Variants in GRID1 observed in about 807,000 individuals in gnomAD.
The protein encoded by GRID1 is glutamate receptor ionotropic, delta-1.
Under a neutral mutation model 98.0 loss-of-function variants are expected in GRID1, and 28 were observed. The observed-to-expected ratio is 0.29, with a 90% CI of 0.21 to 0.39. The LOEUF (loss-of-function observed/expected upper bound fraction) is 0.39. Among genes scored for constraint, GRID1 ranks in the 10% least tolerant of loss-of-function variants. GRID1 has a pLI of 1.00. For synonymous variants in GRID1, 553 were observed against 538.5 expected, an observed-to-expected ratio of 1.03 and a Z score of -0.37; for missense variants, 1,111 against 1,340.5, an observed-to-expected ratio of 0.83 and a Z score of 2.67.
chr10:85,767,611 C>G (rs1842210467), intron 8 of GRID1, among the ~76,000 whole-genome samples: 1 of 152,126 alleles, frequency 6.6e-6, no homozygotes, highest in Non-Finnish European at 1.5e-5. Flanking sequence ...GCAAGAGTCA[C>G]TGGGTCAGGG....
chr10:86,185,184 G>C (rs1180331711), intron 3 of GRID1, among the ~76,000 whole-genome samples: 1 of 151,972 alleles, frequency 6.6e-6, no homozygotes, highest in Non-Finnish European at 1.5e-5. Context: ...AGTTTTCAGT[G>C]TACAGATCTT....
chr10:85,841,631 T>A (rs1316424651), intron 8 of GRID1, among the ~76,000 whole-genome samples: 1 of 151,776 alleles, frequency 6.6e-6, no homozygotes, highest in African/African-American at 2.4e-5. Context: ...CTTAAACAAA[T>A]TTATCAAAAA....
Position 85,856,068 on chromosome 10 carries a change from T to C in GRID1, c.1074A>G (p.Pro358=). The C allele has an allele frequency of 1.2e-6, 2 of 1,614,188 alleles. No homozygotes were observed. Among genetic ancestry groups the C allele is most frequent in the Non-Finnish European group, 1.7e-6 (2 of 1,180,016 alleles). The change falls in exon 7 of 16, where the codon CCA becomes CCG. Residue 358 remains proline (P), a synonymous_variant. Transcript: ENST00000327946. The part of the protein sequence containing the change: ...SLNCIRKSTK[P]WNGGRSMLDT... The stretch of plus-strand genomic sequence containing the variant: ...CCAGCATGGACCTCCCACCATTCCA[T>C]GGCTTAGTGGATTTCCGTATGCAGT...
chr10:86,349,421 CA>C (rs1433160936), intron 2 of GRID1, among the ~76,000 whole-genome samples: 1 of 152,244 alleles, frequency 6.6e-6, no homozygotes. Context: ...CCCGCCCACA[CA>C]GGCACACCTC....
chr10:86,141,333 A>C (rs1845008304), intron 3 of GRID1, among the ~76,000 whole-genome samples: 1 of 152,202 alleles, frequency 6.6e-6, no homozygotes, highest in Admixed American at 6.5e-5. Flanking sequence ...CTTGAAAGAA[A>C]AGGTGAAGAA....
intron 2 of GRID1, among the ~76,000 whole-genome samples, chr10:86,295,241 AAC>A (rs547999461): frequency 1.8e-4 from 28 of 152,312 alleles, no homozygotes; most frequent in South Asian, 1.7e-3. Context: ...GGCAGGAGAT[AAC>A]ACAGTGTCCT....
At chr10:85,818,261 T>C (rs1278314045) in intron 8 of GRID1, among the ~76,000 whole-genome samples, 1 of 152,234 alleles carries the variant, frequency 6.6e-6, no homozygotes, top group Non-Finnish European at 1.5e-5. Flanking sequence ...TATACATACA[T>C]GTATGTGTGT....
intron 4 of GRID1, among the ~76,000 whole-genome samples, chr10:85,982,894 A>G (rs1376587191): frequency 6.6e-6 from 1 of 152,134 alleles, no homozygotes; most frequent in Non-Finnish European, 1.5e-5. Flanking sequence ...AAACAGGAAA[A>G]CTCAAGAACC....
chr10:86,285,832 T>C (rs931898123), intron 2 of GRID1, among the ~76,000 whole-genome samples: 2 of 152,208 alleles, frequency 1.3e-5, no homozygotes, highest in African/African-American at 4.8e-5. Flanking sequence ...CAATGTATAA[T>C]GGAAACCAAA....
intron 4 of GRID1, among the ~76,000 whole-genome samples, chr10:86,089,988 C>A (rs576481464): frequency 6.6e-6 from 1 of 152,278 alleles, no homozygotes; most frequent in African/African-American, 2.4e-5. Flanking sequence ...CTCAGGTGAT[C>A]CACCTGCCTT....
At chr10:85,704,069 C>A (rs537990844) in intron 12 of GRID1, among the ~76,000 whole-genome samples, 1 of 152,062 alleles carries the variant, frequency 6.6e-6, no homozygotes, top group East Asian at 1.9e-4. Flanking sequence ...AACTAATGAG[C>A]AAAATAACCA....
chr10:86,228,261 G>A (rs1846389310), intron 2 of GRID1, among the ~76,000 whole-genome samples: 1 of 144,194 alleles, frequency 6.9e-6, no homozygotes, highest in Non-Finnish European at 1.5e-5. Context: ...GGGTGGGGGA[G>A]AGGATGGTGT....
rs1333678131 is a variant in GRID1 at position 86,241,381 on chromosome 10, A to C, written c.236-34733T>G. Among the ~76,000 whole-genome samples the C allele has an allele frequency of 2.6e-5, 4 of 152,360 alleles. No individual in the cohort carries two copies. The East Asian group carries it at 7.7e-4, about 29-fold the overall frequency. ...CCATCAGGACCCCTCCACTTCTGGCAAGTTAAGAGTGAGGCATCTTTACAG... is the reference window on the plus strand; with the variant it reads ...CCATCAGGACCCCTCCACTTCTGGCCAGTTAAGAGTGAGGCATCTTTACAG... On this transcript the variant is annotated intron_variant, in intron 2 of 15. Transcript: ENST00000327946.
intron 3 of GRID1, among the ~76,000 whole-genome samples, chr10:86,156,953 G>C (rs1845254145): frequency 6.6e-6 from 1 of 152,188 alleles, no homozygotes; most frequent in Non-Finnish European, 1.5e-5. Flanking sequence ...TCCAAGGGGA[G>C]GGGCATCAGG....
chr10:86,164,565 A>G (rs1021979117), intron 3 of GRID1, among the ~76,000 whole-genome samples: 40 of 152,150 alleles, frequency 2.6e-4, no homozygotes, highest in Non-Finnish European at 5.4e-4. Context: ...TTAAGTCCAT[A>G]ATTGCGCAAT....
intron 2 of GRID1, among the ~76,000 whole-genome samples, chr10:86,243,401 C>A (rs1846668955): frequency 6.6e-6 from 1 of 152,158 alleles, no homozygotes; most frequent in South Asian, 2.1e-4. Context: ...GCTGTGCCCA[C>A]CCCTCCTCAT....
At chr10:86,284,136 G>A (rs1299494149) in intron 2 of GRID1, among the ~76,000 whole-genome samples, 1 of 127,770 alleles carries the variant, frequency 7.8e-6, no homozygotes, top group Middle Eastern at 7.4e-3. Flanking sequence ...CTGCCCTCAT[G>A]CACACACCTG....
intron 8 of GRID1, among the ~76,000 whole-genome samples, chr10:85,751,787 T>A (rs1309776118): frequency 2.0e-5 from 3 of 152,204 alleles, no homozygotes; most frequent in African/African-American, 7.2e-5. Context: ...AAAATTATTG[T>A]TAAATTTATT....
At chr10:85,633,535 G>A (rs1397957154) in intron 13 of GRID1, among the ~76,000 whole-genome samples, 1 of 152,174 alleles carries the variant, frequency 6.6e-6, no homozygotes, top group African/African-American at 2.4e-5. Context: ...AGGGTTGCTG[G>A]GAACTGGCAA....
Sources: gnomAD v4.1 joint callset for allele counts (sites outside exome capture counted in the v4.1 genomes callset) on GRCh38, gnomAD v4.1.1 for gene constraint, MANE v1.5 for transcripts, NCBI Gene and HGNC (gene_info 2026-07-23, HGNC 2026-07-21) for gene names.